Variants in IL1RAPL1 observed in about 807,000 individuals in gnomAD.
IL1RAPL1 encodes interleukin-1 receptor accessory protein-like 1.
A neutral mutation model predicts 48.4 loss-of-function variants in IL1RAPL1; 3 were observed. That is an observed-to-expected ratio of 0.06 (90% CI 0.03 to 0.16). IL1RAPL1 has a LOEUF of 0.16. Among genes scored for constraint, IL1RAPL1 ranks in the 10% least tolerant of loss-of-function variants. IL1RAPL1 has a pLI of 1.00. For missense variants in IL1RAPL1, 349 were observed against 530.6 expected, an observed-to-expected ratio of 0.66 and a Z score of 3.36; for synonymous variants, 185 against 187.7, an observed-to-expected ratio of 0.99 and a Z score of 0.12.
chrX:29,543,511 G>C (rs776464563), intron 5 of IL1RAPL1, among the ~76,000 whole-genome samples: 95 of 110,464 alleles, frequency 8.6e-4, no homozygotes, highest in African/African-American at 3.0e-3. Context: ...TGAAACACAT[G>C]ACTTTAGAGA....
intron 5 of IL1RAPL1, among the ~76,000 whole-genome samples, chrX:29,665,374 T>G (rs1227617430): frequency 3.5e-5 from 4 of 112,721 alleles, no homozygotes. Flanking sequence ...TGAATTTCCT[T>G]CTAGTTTCAC....
rs960925450 is a variant in IL1RAPL1, at chrX:29,898,976, C to G, written c.779-18488C>G. On this transcript the variant is annotated intron_variant, in intron 6 of 10. Transcript: ENST00000378993. ...CAAGTCTGAAATGCTCCTTGACAAT[C>G]TCTTTTATTGAACGAATCTTGAGGA... Among the ~76,000 whole-genome samples the G allele has an allele frequency of 8.9e-5, 10 of 112,025 alleles. No homozygotes were observed. The East Asian group carries it at 2.5e-3, about 28-fold the overall frequency.
At chrX:29,094,596 TAA>T (rs774154497) in intron 2 of IL1RAPL1, among the ~76,000 whole-genome samples, 2 of 68,132 alleles carry the variant, frequency 2.9e-5, no homozygotes, top group Non-Finnish European at 2.7e-5. Context: ...TATCTCTACT[TAA>T]AAAAAAAAAA....
At chrX:29,829,108 C>T (rs1930808693) in intron 6 of IL1RAPL1, among the ~76,000 whole-genome samples, 1 of 105,242 alleles carries the variant, frequency 9.5e-6, no homozygotes, top group East Asian at 3.0e-4. Flanking sequence ...GTTTTAAACA[C>T]TTAGGAAATG....
intron 5 of IL1RAPL1, among the ~76,000 whole-genome samples, chrX:29,523,483 A>C (rs1054515013): frequency 8.9e-6 from 1 of 111,975 alleles, no homozygotes; most frequent in East Asian, 2.8e-4. Flanking sequence ...ATTGAAAATA[A>C]AATTAATTTC....
chrX:28,713,704 A>G (rs1935468599), intron 1 of IL1RAPL1, among the ~76,000 whole-genome samples: 1 of 111,436 alleles, frequency 9.0e-6, no homozygotes, highest in African/African-American at 3.3e-5. Context: ...TTTCAAACTC[A>G]TACATGATAT....
At chrX:28,847,681 A>G (rs1188327027) in intron 2 of IL1RAPL1, among the ~76,000 whole-genome samples, 3 of 111,026 alleles carry the variant, frequency 2.7e-5, no homozygotes, top group Non-Finnish European at 5.7e-5. Context: ...GATGCTTTCC[A>G]CACAGCTATC....
At chrX:29,619,072 T>A (rs1392955561) in intron 5 of IL1RAPL1, among the ~76,000 whole-genome samples, 37 of 111,919 alleles carry the variant, frequency 3.3e-4, no homozygotes, top group African/African-American at 1.2e-3. Context: ...GTGACTTCTC[T>A]AGAACCCTAT....
intron 5 of IL1RAPL1, among the ~76,000 whole-genome samples, chrX:29,414,567 A>G (rs1227743371): frequency 9.0e-6 from 1 of 110,946 alleles, no homozygotes; most frequent in Non-Finnish European, 1.9e-5. Context: ...AAAAAATACA[A>G]AGAATTAGCT....
intron 1 of IL1RAPL1, among the ~76,000 whole-genome samples, chrX:28,678,576 C>T (rs1249448825): frequency 9.0e-6 from 1 of 111,331 alleles, no homozygotes; most frequent in Non-Finnish European, 1.9e-5. Flanking sequence ...ATTCTAAAGT[C>T]CCAATAGACC....
At chrX:29,837,213 A>T (rs911645797) in intron 6 of IL1RAPL1, among the ~76,000 whole-genome samples, 90 of 97,051 alleles carry the variant, frequency 9.3e-4, no homozygotes, top group Non-Finnish European at 1.7e-3. Context: ...CATTGAGCCG[A>T]GTTCGCGCCA....
At chrX:28,676,610 A>G (rs1208447114) in intron 1 of IL1RAPL1, among the ~76,000 whole-genome samples, 1 of 109,604 alleles carries the variant, frequency 9.1e-6, no homozygotes, top group Non-Finnish European at 1.9e-5. Flanking sequence ...GCGCTCGCCT[A>G]TCCTCTCAGC....
chrX:29,379,136 G>A (rs938987085), intron 3 of IL1RAPL1, among the ~76,000 whole-genome samples: 2 of 112,542 alleles, frequency 1.8e-5, no homozygotes, highest in African/African-American at 6.5e-5. Flanking sequence ...AGACGTTCAG[G>A]GTTGGTTTCT....
intron 5 of IL1RAPL1, among the ~76,000 whole-genome samples, chrX:29,473,314 A>G (rs1602252361): frequency 8.9e-6 from 1 of 111,828 alleles, no homozygotes; most frequent in East Asian, 2.8e-4. Context: ...ATCTGTAATG[A>G]CGTTATTTCC....
chrX:29,662,045 A>T (rs1257058983), intron 5 of IL1RAPL1, among the ~76,000 whole-genome samples: 1 of 111,346 alleles, frequency 9.0e-6, no homozygotes, highest in African/African-American at 3.3e-5. Flanking sequence ...GGGCTCTCTT[A>T]TTTTTAAAAC....
intron 2 of IL1RAPL1, among the ~76,000 whole-genome samples, chrX:28,913,085 C>G (rs908070836): frequency 4.5e-5 from 5 of 111,700 alleles, no homozygotes; most frequent in African/African-American, 1.6e-4. Flanking sequence ...GGGTTTCTTT[C>G]TCTTCTAATG....
chrX:28,816,320 GT>G (rs1936871480), intron 2 of IL1RAPL1, among the ~76,000 whole-genome samples: 1 of 109,994 alleles, frequency 9.1e-6, no homozygotes, highest in Non-Finnish European at 1.9e-5. Flanking sequence ...ATGCTAAGGT[GT>G]GGGGTACAAA....
intron 3 of IL1RAPL1, among the ~76,000 whole-genome samples, chrX:29,344,959 C>T (rs752309570): frequency 6.2e-5 from 7 of 112,807 alleles, no homozygotes; most frequent in East Asian, 2.8e-4. Context: ...GACCAGGACA[C>T]GACCAATCAG....
intron 6 of IL1RAPL1, among the ~76,000 whole-genome samples, chrX:29,745,700 GC>G (rs1041912387): frequency 9.1e-6 from 1 of 109,986 alleles, no homozygotes; most frequent in African/African-American, 3.3e-5. Flanking sequence ...ACCCACCTCG[GC>G]CTCCCAAAGT....
Sources: gnomAD v4.1 joint callset for allele counts (sites outside exome capture counted in the v4.1 genomes callset) on GRCh38, gnomAD v4.1.1 for gene constraint, MANE v1.5 for transcripts, NCBI Gene and HGNC (gene_info 2026-07-23, HGNC 2026-07-21) for gene names.